The following SH3D19 variants were observed in gnomAD, a reference collection of about 807,000 sequenced individuals.
SH3D19 encodes SH3 domain containing 19, also known as SH3 domain-containing protein 19.
In SH3D19, 58 loss-of-function variants were observed where a neutral mutation model predicts 112.1. The observed-to-expected ratio is 0.52, with a 90% confidence interval of 0.42 to 0.64. The LOEUF (loss-of-function observed/expected upper bound fraction) is 0.64, where lower values mean the gene tolerates loss of function less well. Ranked by LOEUF, SH3D19 falls within the 30% of genes least tolerant of loss-of-function variation. The probability of loss-of-function intolerance (pLI) is 0.00; values close to 1 mark genes in which losing one functional copy is unlikely to be tolerated. For missense variants in SH3D19, 1,090 were observed against 1,263.4 expected, an observed-to-expected ratio of 0.86 and a Z score of 2.08; for synonymous variants, 391 against 448.5, an observed-to-expected ratio of 0.87 and a Z score of 1.62.
At chr4:151,320,332 ATGT>A (rs1730412978) in intron 1 of SH3D19, among the ~76,000 whole-genome samples, 1 of 152,220 alleles carries the variant, frequency 6.6e-6, no homozygotes, top group Non-Finnish European at 1.5e-5. Flanking sequence ...TAATATTAAA[ATGT>A]TGTATGTCAG....
At chr4:151,214,443 T>A (rs552142760) in intron 2 of SH3D19, among the ~76,000 whole-genome samples, 1,004 of 15,128 alleles carry the variant, frequency 0.066, 112 homozygotes, top group African/African-American at 0.086. Context: ...CGGACGAGGC[T>A]GCTGGCCGGG....
chr4:151,286,184 G>GAAAAAAAAAAAAAAAAAAAA (rs56850648), intron 1 of SH3D19, among the ~76,000 whole-genome samples: 12 of 86,624 alleles, frequency 1.4e-4, no homozygotes, highest in Non-Finnish European at 2.0e-4. Context: ...CTGTCTTAAA[G>GAAAAAAAAAAAAAAAAAAAA]AAAAAAAAAA....
intron 1 of SH3D19, among the ~76,000 whole-genome samples, chr4:151,259,851 T>G (rs1000287819): frequency 6.6e-6 from 1 of 152,196 alleles, no homozygotes; most frequent in African/African-American, 2.4e-5. Context: ...TTGAAATGAC[T>G]ACCTAAAAAT....
chr4:151,317,108 C>T (rs946028966), intron 1 of SH3D19, among the ~76,000 whole-genome samples: 6 of 152,158 alleles, frequency 3.9e-5, no homozygotes, highest in African/African-American at 1.4e-4. Context: ...ACAACTTATG[C>T]CAATGTAACT....
In SH3D19 at chr4:151,176,867, T is replaced by C; in HGVS notation, c.325A>G (p.Thr109Ala). The change falls in exon 5 of 20, where the codon ACA (threonine) becomes GCA (alanine). Residue 109 changes from threonine to alanine, a missense_variant. By Grantham distance (58) the Thr-to-Ala change is moderately conservative. Transcript: ENST00000604030. ...CTCCAAGAGCCTGCTGCAGATGATGTAGGAAATCCCAGTCCTGGGGGTGGG... is the reference window on the plus strand; with the variant it reads ...CTCCAAGAGCCTGCTGCAGATGATGCAGGAAATCCCAGTCCTGGGGGTGGG... ...GTPPPGLGFP[T>A]SSAAGSWRPN... 3 of 1,232,176 alleles carry C rather than the reference T, an allele frequency of 2.4e-6. No homozygotes were observed. The highest frequency in any genetic ancestry group is 2.0e-6 in the Non-Finnish European group (2 of 987,950). The allele number at this position is 1,232,176 out of a possible 1,614,324, so 76.3% of individuals were successfully genotyped here. A position where few individuals can be genotyped will look rare whatever the true frequency, so the allele number is the denominator to read the frequency against.
chr4:151,275,091 G>GTTT (rs11302117), intron 1 of SH3D19, among the ~76,000 whole-genome samples: 2 of 146,184 alleles, frequency 1.4e-5, no homozygotes, highest in Non-Finnish European at 1.5e-5. Flanking sequence ...TTCAAGATAC[G>GTTT]TTTTTTTTTT....
At chr4:151,314,067 C>T (rs1397229353) in intron 1 of SH3D19, among the ~76,000 whole-genome samples, 1 of 152,106 alleles carries the variant, frequency 6.6e-6, no homozygotes, top group Non-Finnish European at 1.5e-5. Flanking sequence ...CCTTGATTAA[C>T]GTATCTTCTG....
chr4:151,218,606 T>C (rs1377278064), intron 2 of SH3D19, among the ~76,000 whole-genome samples: 1 of 152,114 alleles, frequency 6.6e-6, no homozygotes, highest in Non-Finnish European at 1.5e-5. Context: ...AAAGTATAGA[T>C]AATATTGCAA....
chr4:151,271,106 G>A (rs1773194055), intron 1 of SH3D19, among the ~76,000 whole-genome samples: 1 of 152,056 alleles, frequency 6.6e-6, no homozygotes, highest in Non-Finnish European at 1.5e-5. Context: ...TAATTTTTCT[G>A]TAGAGATGGG....
chr4:151,126,518 G>C (rs976427971), intron 19 of SH3D19, among the ~76,000 whole-genome samples: 3 of 151,968 alleles, frequency 2.0e-5, no homozygotes, highest in African/African-American at 7.2e-5. Context: ...ACTTTTGGCC[G>C]GGCGCGGTGG....
At chr4:151,259,979 C>T (rs1487453691) in intron 1 of SH3D19, among the ~76,000 whole-genome samples, 3 of 152,208 alleles carry the variant, frequency 2.0e-5, no homozygotes, top group African/African-American at 7.2e-5. Context: ...TTCAGAGGCA[C>T]AATCCTGAGC....
chr4:151,207,957 T>A (rs1295844289), intron 2 of SH3D19, among the ~76,000 whole-genome samples: 1 of 152,196 alleles, frequency 6.6e-6, no homozygotes, highest in East Asian at 1.9e-4. Context: ...TGAAAATCAT[T>A]TCCAAGTGGG....
At chr4:151,158,878 C>T (rs977652128) in intron 9 of SH3D19, among the ~76,000 whole-genome samples, 2 of 151,916 alleles carry the variant, frequency 1.3e-5, no homozygotes, top group Admixed American at 1.3e-4. Context: ...ATTTTGGTCA[C>T]TAGTTGGGTA....
chr4:151,205,143 A>T (rs1455480225), intron 2 of SH3D19, among the ~76,000 whole-genome samples: 1 of 152,152 alleles, frequency 6.6e-6, no homozygotes, highest in Non-Finnish European at 1.5e-5. Context: ...TTACGCAAAT[A>T]GAAGGCCAAA....
Position 151,306,611 on chromosome 4 carries a change from G to A in SH3D19, c.112+18630C>T, listed in dbSNP as rs187828575. 6.3e-4 allele frequency among the ~76,000 whole-genome samples: 96 copies of A among 152,288 alleles called. 1 individual carries two copies. The South Asian group carries it at 9.3e-3, about 15-fold the overall frequency. On this transcript the variant is annotated intron_variant, in intron 1 of 19. Transcript: ENST00000604030. ...TCATTAACTTCATTAAACATTCATT[G>A]GAAACCTATGAGGTGAGCAATACCA...
At chr4:151,306,491 C>T (rs1374331134) in intron 1 of SH3D19, among the ~76,000 whole-genome samples, 1 of 151,926 alleles carries the variant, frequency 6.6e-6, no homozygotes, top group East Asian at 1.9e-4. Flanking sequence ...AAAGTTGGTA[C>T]TTTTTAAAAA....
chr4:151,282,042 C>A, intron 1 of SH3D19: 1 of 1,149,902 alleles, frequency 8.7e-7, no homozygotes, highest in Non-Finnish European at 1.3e-6. Flanking sequence ...GGTTAATTCC[C>A]AGTTGGCTAC....
intron 8 of SH3D19, among the ~76,000 whole-genome samples, chr4:151,161,760 A>G (rs1195302363): frequency 7.4e-6 from 1 of 135,240 alleles, no homozygotes; most frequent in Non-Finnish European, 1.6e-5. Flanking sequence ...TTCAATTCAT[A>G]CCTCTTTTTT....
At chr4:151,130,598 A>C (rs1468708755) in intron 17 of SH3D19, among the ~76,000 whole-genome samples, 1 of 152,202 alleles carries the variant, frequency 6.6e-6, no homozygotes, top group Non-Finnish European at 1.5e-5. Flanking sequence ...TTCTCATTAT[A>C]CAAATGAAAC....
Sources: gnomAD v4.1 joint callset for allele counts (sites outside exome capture counted in the v4.1 genomes callset) on GRCh38, gnomAD v4.1.1 for gene constraint, MANE v1.5 for transcripts, NCBI Gene and HGNC (gene_info 2026-07-23, HGNC 2026-07-21) for gene names.